The following BPTF variants were observed in gnomAD, a reference collection of about 807,000 sequenced individuals.
BPTF encodes the protein nucleosome-remodeling factor subunit BPTF.
In BPTF, 18 loss-of-function variants were observed where a neutral mutation model predicts 292.5. The ratio of observed to expected loss-of-function variants is 0.06; its 90% CI spans 0.04 to 0.09. The LOEUF (loss-of-function observed/expected upper bound fraction) is 0.09. BPTF is among the 10% of genes least tolerant of loss of function. BPTF has a pLI of 1.00. For missense variants in BPTF, 2,726 were observed against 3,498.7 expected, an observed-to-expected ratio of 0.78 and a Z score of 5.57; for synonymous variants, 1,225 against 1,251.9, an observed-to-expected ratio of 0.98 and a Z score of 0.45.
chr17:67,835,689 G>T lies in BPTF; in HGVS notation c.613+9352G>T, dbSNP rs1350418146. ...TTTTTTTTTTTTTTTTTTTTGAGACGGAGTCTCGCTCTGTCGCCCAGGCTG... is the reference window on the plus strand; with the variant it reads ...TTTTTTTTTTTTTTTTTTTTGAGACTGAGTCTCGCTCTGTCGCCCAGGCTG... On this transcript the variant is annotated intron_variant, in intron 1 of 27. Transcript: ENST00000306378. Among the ~76,000 whole-genome samples, 3 of 147,368 alleles carry T rather than the reference G, an allele frequency of 2.0e-5. No homozygotes were observed. The South Asian group carries it at 6.4e-4, about 31-fold the overall frequency.
At chr17:67,832,479 G>A (rs2056778098) in intron 1 of BPTF, among the ~76,000 whole-genome samples, 1 of 151,924 alleles carries the variant, frequency 6.6e-6, no homozygotes, top group Non-Finnish European at 1.5e-5. Context: ...TAAATTTATT[G>A]GACATCTTCT....
At chr17:67,935,149 TGCGGTGGCTCAC>T (rs1387550954) in intron 18 of BPTF, among the ~76,000 whole-genome samples, 9 of 152,114 alleles carry the variant, frequency 5.9e-5, no homozygotes, top group Admixed American at 3.9e-4. Context: ...CAAGACCTGA[TGCGGTGGCTCAC>T]ACCTGTAATC....
chr17:67,900,982 G>C (rs2061795701), intron 7 of BPTF, among the ~76,000 whole-genome samples: 2 of 151,630 alleles, frequency 1.3e-5, no homozygotes, highest in East Asian at 1.9e-4. Flanking sequence ...TTGCGCCACT[G>C]TACTGCATCC....
intron 24 of BPTF, among the ~76,000 whole-genome samples, chr17:67,961,167 A>G (rs1555683821): frequency 6.6e-6 from 1 of 152,236 alleles, no homozygotes; most frequent in Admixed American, 6.5e-5. Flanking sequence ...TATTCAGATC[A>G]CAGAAATTGA....
chr17:67,931,204 G>A (rs1373371997), intron 17 of BPTF, among the ~76,000 whole-genome samples: 2 of 152,086 alleles, frequency 1.3e-5, no homozygotes, highest in Non-Finnish European at 2.9e-5. Flanking sequence ...GGCGGAGGTT[G>A]TAGTGAGCCA....
At position 67,917,188 on chromosome 17, in the gene BPTF, A is replaced by G. The variant is rs186699165; in HGVS notation, c.5304-1526A>G. Among the ~76,000 whole-genome samples the G allele has an allele frequency of 1.7e-3, 221 of 133,864 alleles. 1 individual carries two copies. Among genetic ancestry groups the G allele is most frequent in the Middle Eastern group, 8.4e-3 (2 of 238 alleles). The allele number at this position is 133,864 out of a possible 152,430, so 87.8% of individuals were successfully genotyped here. On this transcript the variant is annotated intron_variant, in intron 11 of 27. Coordinates refer to ENST00000306378, the MANE Select transcript of BPTF (RefSeq NM_182641.4). The stretch of plus-strand genomic sequence containing the variant: ...CACACTGCCGCCCGAGGTGGAGTGC[A>G]GTGGAGCGATCTCGGCTCACTGCAA...
At chr17:67,980,486 G>A (rs566639625) in intron 27 of BPTF, among the ~76,000 whole-genome samples, 2 of 152,328 alleles carry the variant, frequency 1.3e-5, no homozygotes, top group South Asian at 2.1e-4. Context: ...TTTGTACATC[G>A]TGGTTATTCC....
chr17:67,976,015 A>G, intron 27 of BPTF, 57 bp downstream of exon 27: 3 of 1,367,256 alleles, frequency 2.2e-6, no homozygotes, highest in Non-Finnish European at 3.0e-6. Flanking sequence ...TCTTTATACT[A>G]TTCTGTCTAA....
intron 26 of BPTF, among the ~76,000 whole-genome samples, chr17:67,969,471 A>C (rs2068519913): frequency 1.3e-5 from 2 of 150,298 alleles, no homozygotes; most frequent in South Asian, 4.2e-4. Flanking sequence ...AAAAAAAAAA[A>C]AAAAGAGATA....
intron 13 of BPTF, among the ~76,000 whole-genome samples, chr17:67,922,473 G>A (rs1369044573): frequency 6.6e-6 from 1 of 152,128 alleles, no homozygotes; most frequent in African/African-American, 2.4e-5. Flanking sequence ...ATTCATGTTG[G>A]GGTCCAGAGG....
At chr17:67,829,975 C>T (rs1370744346) in intron 1 of BPTF, among the ~76,000 whole-genome samples, 15 of 152,234 alleles carry the variant, frequency 9.9e-5, no homozygotes, top group Non-Finnish European at 5.9e-5. Context: ...GTAAGGATGC[C>T]AACTTTTTAG....
intron 2 of BPTF, among the ~76,000 whole-genome samples, chr17:67,865,774 C>T (rs1029936329): frequency 3.9e-5 from 6 of 152,180 alleles, no homozygotes; most frequent in African/African-American, 1.2e-4. Flanking sequence ...AAGTCTTTAA[C>T]TCCATTAAAA....
chr17:67,866,790 G>A, intron 3 of BPTF, 103 bp downstream of exon 3: 1 of 804,940 alleles, frequency 1.2e-6, no homozygotes, highest in South Asian at 1.7e-5. Context: ...TTCAAGTACA[G>A]TCGTGCATTG....
intron 27 of BPTF, 160 bp downstream of exon 27, chr17:67,976,118 C>T (rs1381663990): frequency 3.7e-6 from 2 of 539,374 alleles, no homozygotes; most frequent in Non-Finnish European, 5.9e-6. Context: ...TGATCTACTG[C>T]CAAGGAGAAG....
At chr17:67,841,710 A>G (rs1302756677) in intron 1 of BPTF, among the ~76,000 whole-genome samples, 3 of 152,122 alleles carry the variant, frequency 2.0e-5, no homozygotes, top group Non-Finnish European at 4.4e-5. Flanking sequence ...CCATATCATT[A>G]TAATTTGAAA....
At chr17:67,932,592 T>C (rs1464886863) in intron 18 of BPTF, among the ~76,000 whole-genome samples, 1 of 152,160 alleles carries the variant, frequency 6.6e-6, no homozygotes, top group Non-Finnish European at 1.5e-5. Flanking sequence ...TCCCAGCTAC[T>C]TGGGAGGCCG....
At chr17:67,853,196 C>T (rs977249922) in intron 1 of BPTF, among the ~76,000 whole-genome samples, 2 of 152,202 alleles carry the variant, frequency 1.3e-5, no homozygotes, top group Admixed American at 1.3e-4. Context: ...CATTTATATA[C>T]TTACATATGT....
intron 1 of BPTF, among the ~76,000 whole-genome samples, chr17:67,850,954 T>C (rs570410458): frequency 2.2e-4 from 33 of 152,238 alleles, no homozygotes; most frequent in African/African-American, 7.9e-4. Flanking sequence ...AATGCAGATA[T>C]AATAAACAAA....
In BPTF at chr17:67,905,626, T is replaced by C. The variant is rs999443003; in HGVS notation, c.2812+786T>C. 4.6e-5 allele frequency among the ~76,000 whole-genome samples: 7 copies of C among 152,172 alleles called. No homozygotes were observed. In the East Asian group the frequency reaches 5.8e-4, roughly 13 times the overall value. ...TGGGGGTCTGAGGCAGGAGGATTGCTTGAGGCCAGGAGTTTGAGGCTGCAG... is the reference window on the plus strand; with the variant it reads ...TGGGGGTCTGAGGCAGGAGGATTGCCTGAGGCCAGGAGTTTGAGGCTGCAG... On this transcript the variant is annotated intron_variant, in intron 9 of 27. Coordinates refer to ENST00000306378, the MANE Select transcript of BPTF (RefSeq NM_182641.4).
Sources: allele counts gnomAD v4.1 joint callset (sites outside exome capture counted in the v4.1 genomes callset), GRCh38; gene constraint gnomAD v4.1.1; transcripts MANE v1.5; gene names NCBI Gene and HGNC (gene_info 2026-07-23, HGNC 2026-07-21).